LRRC3B: variants seen among roughly 807,000 people sequenced by gnomAD.
The protein encoded by LRRC3B is leucine rich repeat containing 3B, also known as leucine-rich repeat-containing protein 3B.
A neutral mutation model predicts 12.8 loss-of-function variants in LRRC3B; 2 were observed. The observed-to-expected ratio is 0.16, with a 90% CI of 0.06 to 0.49. LRRC3B has a LOEUF of 0.49. Ranked by LOEUF, LRRC3B falls within the 20% of genes least tolerant of loss-of-function variation. The pLI is 0.96. For synonymous variants in LRRC3B, 132 were observed against 122.0 expected, an observed-to-expected ratio of 1.08 and a Z score of -0.54; for missense variants, 189 against 319.4, an observed-to-expected ratio of 0.59 and a Z score of 3.11.
intron 1 of LRRC3B, among the ~76,000 whole-genome samples, chr3:26,633,379 A>G (rs1400955159): frequency 6.6e-6 from 1 of 152,256 alleles, no homozygotes; most frequent in Non-Finnish European, 1.5e-5. Context: ...TAAATGAATT[A>G]ACATGAACAA....
At chr3:26,678,425 C>T (rs765486756) in intron 1 of LRRC3B, among the ~76,000 whole-genome samples, 7 of 151,546 alleles carry the variant, frequency 4.6e-5, no homozygotes, top group Non-Finnish European at 1.0e-4. Context: ...GCCTGGGAGG[C>T]GAAGGTTACA....
intron 1 of LRRC3B, among the ~76,000 whole-genome samples, chr3:26,631,262 C>G (rs879160008): frequency 6.6e-6 from 1 of 152,214 alleles, no homozygotes; most frequent in Admixed American, 6.5e-5. Context: ...TCACTGTAGC[C>G]TTGGCCAATA....
intron 1 of LRRC3B, among the ~76,000 whole-genome samples, chr3:26,657,268 C>T (rs1461377390): frequency 6.6e-6 from 1 of 152,158 alleles, no homozygotes; most frequent in Non-Finnish European, 1.5e-5. Context: ...CAACACGCAC[C>T]TTTAATGCCT....
chr3:26,641,337 A>G (rs980860065), intron 1 of LRRC3B, among the ~76,000 whole-genome samples: 15 of 152,156 alleles, frequency 9.9e-5, no homozygotes, highest in African/African-American at 3.6e-4. Flanking sequence ...GATGTGGAAG[A>G]GCTGTGGGCC....
chr3:26,647,158 T>C (rs1575124348), intron 1 of LRRC3B, among the ~76,000 whole-genome samples: 1 of 152,100 alleles, frequency 6.6e-6, no homozygotes, highest in East Asian at 1.9e-4. Context: ...CATGGCATGC[T>C]AATCACTTTT....
intron 1 of LRRC3B, among the ~76,000 whole-genome samples, chr3:26,698,725 A>G (rs560266739): frequency 1.1e-4 from 16 of 152,220 alleles, no homozygotes; most frequent in African/African-American, 3.6e-4. Context: ...ATAGGCAGAT[A>G]TATTTCGTTT....
intron 1 of LRRC3B, among the ~76,000 whole-genome samples, chr3:26,653,097 CAAAAAAAAAAA>C (rs58039696): frequency 8.5e-6 from 1 of 117,016 alleles, no homozygotes; most frequent in Admixed American, 8.6e-5. Context: ...CTTGTGGGAT[CAAAAAAAAAAA>C]AAAAGAAAAA....
At chr3:26,630,703 T>C (rs58862034) in intron 1 of LRRC3B, among the ~76,000 whole-genome samples, 1 of 152,098 alleles carries the variant, frequency 6.6e-6, no homozygotes, top group Non-Finnish European at 1.5e-5. Flanking sequence ...ACAAACAAAG[T>C]TGCGACTTTT....
chr3:26,626,080 CGTACTATAAGTGCCAG>C (rs1698618573), intron 1 of LRRC3B, among the ~76,000 whole-genome samples: 1 of 152,146 alleles, frequency 6.6e-6, no homozygotes, highest in Admixed American at 6.5e-5. Context: ...ACTGCAGCGG[CGTACTATAAGTGCCAG>C]TCCTGGCCTG....
chr3:26,626,833 T>G (rs1698636745), intron 1 of LRRC3B, among the ~76,000 whole-genome samples: 1 of 152,168 alleles, frequency 6.6e-6, no homozygotes, highest in Non-Finnish European at 1.5e-5. Context: ...CTAAATAAGA[T>G]TAAATGATTT....
At chr3:26,675,272 G>A (rs1367402339) in intron 1 of LRRC3B, among the ~76,000 whole-genome samples, 1 of 152,232 alleles carries the variant, frequency 6.6e-6, no homozygotes, top group Non-Finnish European at 1.5e-5. Context: ...AAGTCTGCAT[G>A]TCTCTTTGAT....
At chr3:26,705,298 G>T (rs1700559023) in intron 1 of LRRC3B, among the ~76,000 whole-genome samples, 1 of 151,962 alleles carries the variant, frequency 6.6e-6, no homozygotes, top group Non-Finnish European at 1.5e-5. Flanking sequence ...TCTGGATAAA[G>T]TAATTCTCCT....
At chr3:26,700,416 A>T (rs1205224620) in intron 1 of LRRC3B, among the ~76,000 whole-genome samples, 4 of 152,170 alleles carry the variant, frequency 2.6e-5, no homozygotes, top group South Asian at 4.1e-4. Context: ...GATATCTGAG[A>T]TGCAGGTCCT....
chr3:26,637,528 AG>A (rs1698929106), intron 1 of LRRC3B, among the ~76,000 whole-genome samples: 1 of 152,184 alleles, frequency 6.6e-6, no homozygotes, highest in Non-Finnish European at 1.5e-5. Flanking sequence ...TAAATTGACC[AG>A]GAAGTCTGGA....
intron 1 of LRRC3B, among the ~76,000 whole-genome samples, chr3:26,704,259 T>C (rs552996277): frequency 2.6e-5 from 4 of 152,314 alleles, no homozygotes; most frequent in Admixed American, 2.6e-4. Context: ...TTGGACATCT[T>C]TATATCATCA....
At chr3:26,653,948 C>T (rs1468511723) in intron 1 of LRRC3B, among the ~76,000 whole-genome samples, 3 of 149,644 alleles carry the variant, frequency 2.0e-5, no homozygotes, top group African/African-American at 7.4e-5. Flanking sequence ...TACCTGGTGG[C>T]ACCAGATGGC....
chr3:26,657,004 T>G (rs1003589067), intron 1 of LRRC3B, among the ~76,000 whole-genome samples: 3 of 152,270 alleles, frequency 2.0e-5, no homozygotes, highest in East Asian at 1.9e-4. Context: ...CTTTTTCTAT[T>G]ATTTAGGAGG....
intron 1 of LRRC3B, among the ~76,000 whole-genome samples, chr3:26,647,185 A>G (rs1699170351): frequency 6.6e-6 from 1 of 152,036 alleles, no homozygotes; most frequent in South Asian, 2.1e-4. Flanking sequence ...TCTCAGCTCA[A>G]ATGTCACCCC....
chr3:26,664,852 A>G (rs1699566282), intron 1 of LRRC3B, among the ~76,000 whole-genome samples: 1 of 151,970 alleles, frequency 6.6e-6, no homozygotes. Context: ...CCCACGTGTC[A>G]GTGGGTCTGA....
Sources: gnomAD v4.1 joint callset for allele counts (sites outside exome capture counted in the v4.1 genomes callset) on GRCh38, gnomAD v4.1.1 for gene constraint, MANE v1.5 for transcripts, NCBI Gene and HGNC (gene_info 2026-07-23, HGNC 2026-07-21) for gene names.